C4orf33: variants seen among roughly 807,000 people sequenced by gnomAD.
The protein encoded by C4orf33 is chromosome 4 open reading frame 33, also known as UPF0462 protein C4orf33.
C4orf33 carries 20 observed loss-of-function variants against 24.3 expected under a neutral mutation model. That is an observed-to-expected ratio of 0.82 (90% CI 0.58 to 1.19). C4orf33 has a LOEUF of 1.19. Ranked by LOEUF, C4orf33 falls within the 50% of genes most tolerant of loss-of-function variation. C4orf33 has a pLI of 0.00. For missense variants in C4orf33, 207 were observed against 225.9 expected (o/e 0.92, Z 0.54); for synonymous variants, 67 against 76.4 (o/e 0.88, Z 0.64).
chr4:129,110,668 C>T (rs1278816402), intron 5 of C4orf33, among the ~76,000 whole-genome samples: 1 of 151,778 alleles, frequency 6.6e-6, no homozygotes, highest in African/African-American at 2.4e-5. Flanking sequence ...CGTCCTTCCT[C>T]TCCCTGTTTG....
At chr4:129,108,199 C>T (rs1753573169) in intron 3 of C4orf33, among the ~76,000 whole-genome samples, 1 of 152,054 alleles carries the variant, frequency 6.6e-6, no homozygotes, top group African/African-American at 2.4e-5. Flanking sequence ...TACTTGGCTT[C>T]TGTTAGAATA....
intron 1 of C4orf33, among the ~76,000 whole-genome samples, chr4:129,098,156 T>G (rs1753254428): frequency 6.6e-6 from 1 of 152,142 alleles, no homozygotes; most frequent in Admixed American, 6.5e-5. Context: ...CTATTATTTA[T>G]CTATTATTAA....
At position 129,101,160 on chromosome 4, in the gene C4orf33, C is replaced by T. The variant is rs914885193; in HGVS notation, c.-9-1442C>T. 3.4e-4 allele frequency among the ~76,000 whole-genome samples: 52 copies of T among 152,028 alleles called. 1 individual carries two copies. Among genetic ancestry groups the T allele is most frequent in the African/African-American group, 1.0e-3 (43 of 41,478 alleles). ...TTTAGAGATTATCTAGTAAAATTTG[C>T]GAGCATATAGTGAAAATTAGTAAAA... On this transcript the variant is annotated intron_variant, in intron 1 of 5. Coordinates refer to ENST00000425929, the MANE Select transcript of C4orf33 (RefSeq NM_001099783.2).
At chr4:129,094,733 GATTTTTAGTAGCTATAACGTTTACACAAA>G (rs535625703), upstream of C4orf33, among the ~76,000 whole-genome samples, 8 of 152,206 alleles carry the variant, frequency 5.3e-5, no homozygotes, top group Middle Eastern at 3.4e-3. Flanking sequence ...AACTTGTTCT[GATTTTTAGTAGCTATAACGTTTACACAAA>G]AACTTTTTGT....
chr4:129,106,479 A>G, intron 2 of C4orf33, 108 bp from the exon 3 acceptor site: 1 of 596,068 alleles, frequency 1.7e-6, no homozygotes, highest in Non-Finnish European at 2.9e-6. Context: ...TGGGGATAGT[A>G]TTATAATTAA....
intron 3 of C4orf33, among the ~76,000 whole-genome samples, chr4:129,106,935 C>A (rs185202870): frequency 6.6e-6 from 1 of 151,328 alleles, no homozygotes; most frequent in African/African-American, 2.4e-5. Context: ...TTTTTCAAAA[C>A]GAAAAGTCAT....
intron 1 of C4orf33, among the ~76,000 whole-genome samples, chr4:129,099,342 G>A (rs1234293968): frequency 6.6e-6 from 1 of 152,134 alleles, no homozygotes; most frequent in Non-Finnish European, 1.5e-5. Context: ...TAAGATGAGT[G>A]CTTAATAAAT....
intron 1 of C4orf33, among the ~76,000 whole-genome samples, chr4:129,098,778 G>A (rs1311534848): frequency 6.6e-6 from 1 of 152,218 alleles, no homozygotes; most frequent in Admixed American, 6.5e-5. Flanking sequence ...GCATTTTCCA[G>A]AAAAGTAGGA....
At position 129,115,821 on chromosome 4, in the gene C4orf33, T is replaced by TATATATATGTTTATATATAAC. The variant is rs1753767585; in HGVS notation, c.*4038_*4039insGTTTATATATAACATATATAT. 3.3e-5 allele frequency: 3 copies of TATATATATGTTTATATATAAC among 92,248 alleles called. No individual in the cohort carries two copies. The South Asian group carries it at 1.1e-3, about 33-fold the overall frequency. The allele number at this position is 92,248 out of a possible 1,614,324, so 5.7% of individuals were successfully genotyped here. A position where few individuals can be genotyped will look rare whatever the true frequency, so the allele number is the denominator to read the frequency against. On this transcript the variant is annotated 3_prime_UTR_variant, in exon 6 of 6. Coordinates refer to ENST00000425929, the MANE Select transcript of C4orf33 (RefSeq NM_001099783.2). ...AACTAAATATATATATATATATATA[T>TATATATATGTTTATATATAAC]ATATATATAAAATATATATGTTTAT... is the stretch of plus-strand genomic sequence containing the variant.
chr4:129,094,012 T>G (rs1315527350), upstream of C4orf33: 1 of 152,176 alleles, frequency 6.6e-6, no homozygotes, highest in East Asian at 1.9e-4. Context: ...AGGTTTGGAT[T>G]TGGTCATCTC....
Position 129,111,893 on chromosome 4 carries a change from A to G in C4orf33, c.*102A>G, listed in dbSNP as rs1753701397. The G allele has an allele frequency of 1.7e-6, 1 of 588,622 alleles. No homozygotes were observed. The highest frequency in any genetic ancestry group is 3.3e-5 in the Admixed American group (1 of 30,048). The allele number at this position is 588,622 out of a possible 1,614,324, so 36.5% of individuals were successfully genotyped here. A position where few individuals can be genotyped will look rare whatever the true frequency, so the allele number is the denominator to read the frequency against. The stretch of plus-strand genomic sequence containing the variant: ...AAGATGTCATGCATACATTTCAACA[A>G]CAAATATCTTCATAGAAGTCACTGA... On this transcript the variant is annotated 3_prime_UTR_variant, in exon 6 of 6. Coordinates refer to ENST00000425929, the MANE Select transcript of C4orf33 (RefSeq NM_001099783.2).
At chr4:129,102,990 T>G (rs532586105) in intron 2 of C4orf33, 199 bp downstream of exon 2, 1 of 429,424 alleles carries the variant, frequency 2.3e-6, no homozygotes, top group East Asian at 3.8e-5. Context: ...ACAAAAACAG[T>G]TAAAAAATGG....
chr4:129,103,609 C>T (rs1257421127), intron 2 of C4orf33, among the ~76,000 whole-genome samples: 2 of 152,118 alleles, frequency 1.3e-5, no homozygotes, highest in African/African-American at 4.8e-5. Flanking sequence ...TCTACTGTAT[C>T]CTAATTAAGC....
intron 5 of C4orf33, chr4:129,109,884 T>C (rs961377549): frequency 9.4e-6 from 10 of 1,069,120 alleles, no homozygotes; most frequent in African/African-American, 1.6e-5. Flanking sequence ...AGAGCACTTA[T>C]TTTTCCATAG....
In C4orf33 at chr4:129,116,345, TGA is replaced by T. The variant is rs1181496240; in HGVS notation, c.*4560_*4561del. On this transcript the variant is annotated 3_prime_UTR_variant, in exon 6 of 6. Coordinates refer to ENST00000425929, the MANE Select transcript of C4orf33 (RefSeq NM_001099783.2). Reference sequence around the variant, plus strand: ...AATATATAGCTACATCACTGGCTCCTGAGAGAGCTTTGGGTGTTCTGTAAATT... The same window carrying T: ...AATATATAGCTACATCACTGGCTCCTGAGAGCTTTGGGTGTTCTGTAAATT... 1.3e-5 allele frequency: 2 copies of T among 152,244 alleles called. No homozygotes were observed. Among genetic ancestry groups the T allele is most frequent in the Non-Finnish European group, 2.9e-5 (2 of 68,040 alleles). 9.4% of individuals were successfully genotyped at this position (152,244 alleles called of 1,614,324 possible).
rs1353135141 is a variant in C4orf33, at chr4:129,116,552, G to A, written c.*4761G>A. On this transcript the variant is annotated 3_prime_UTR_variant, in exon 6 of 6. Coordinates refer to ENST00000425929, the MANE Select transcript of C4orf33 (RefSeq NM_001099783.2). ...CTGCAGTACCTAGAGTATATATTTTGAAGAGATAGCTTTGCTGAAATAGAA... is the reference window on the plus strand; with the variant it reads ...CTGCAGTACCTAGAGTATATATTTTAAAGAGATAGCTTTGCTGAAATAGAA... 2.0e-5 allele frequency: 3 copies of A among 152,168 alleles called. No individual in the cohort carries two copies. The highest frequency in any genetic ancestry group is 7.2e-5 in the African/African-American group (3 of 41,454). The allele number at this position is 152,168 out of a possible 1,614,324, so 9.4% of individuals were successfully genotyped here.
intron 2 of C4orf33, among the ~76,000 whole-genome samples, chr4:129,106,236 T>C (rs986060374): frequency 6.6e-6 from 1 of 152,132 alleles, no homozygotes; most frequent in Non-Finnish European, 1.5e-5. Flanking sequence ...AATGGCATTA[T>C]ACTTAATTCT....
intron 3 of C4orf33, 34 bp downstream of exon 3, chr4:129,106,681 A>G (rs1384807092): frequency 5.4e-6 from 6 of 1,106,146 alleles, no homozygotes; most frequent in Non-Finnish European, 8.0e-6. Context: ...ACTTATTACT[A>G]CATAATTTGA....
At chr4:129,109,155 C>T (rs963092044) in intron 3 of C4orf33, 152 bp from the exon 4 acceptor site, 1 of 813,090 alleles carries the variant, frequency 1.2e-6, no homozygotes, top group Non-Finnish European at 2.0e-6. Flanking sequence ...TCCCAAAGTG[C>T]TGGGTTACAG....
Sources: allele counts gnomAD v4.1 joint callset (sites outside exome capture counted in the v4.1 genomes callset), GRCh38; gene constraint gnomAD v4.1.1; transcripts MANE v1.5; gene names NCBI Gene and HGNC (gene_info 2026-07-23, HGNC 2026-07-21).